The following MYO7A variants were observed in gnomAD, a reference collection of about 807,000 sequenced individuals.
MYO7A encodes myosin VIIA.
A neutral mutation model predicts 263.8 loss-of-function variants in MYO7A; 210 were observed. The ratio of observed to expected loss-of-function variants is 0.80; its 90% CI spans 0.71 to 0.89. The LOEUF (loss-of-function observed/expected upper bound fraction) is 0.89. MYO7A is among the 40% of genes least tolerant of loss of function. The pLI, the probability that MYO7A is intolerant of heterozygous loss-of-function variation, is 0.00. For missense variants in MYO7A, 2,820 were observed against 2,968.3 expected (o/e 0.95, Z 1.16); for synonymous variants, 1,239 against 1,197.3 (o/e 1.03, Z -0.72).
intron 3 of MYO7A, among the ~76,000 whole-genome samples, chr11:77,146,951 T>C (rs1441093072): frequency 6.6e-6 from 1 of 152,088 alleles, no homozygotes; most frequent in Non-Finnish European, 1.5e-5. Context: ...TGCTCACCCA[T>C]CTGCCACCAC....
At chr11:77,177,875 A>G (rs1458886340) in intron 19 of MYO7A, among the ~76,000 whole-genome samples, 1 of 152,172 alleles carries the variant, frequency 6.6e-6, no homozygotes, top group Non-Finnish European at 1.5e-5. Flanking sequence ...CAATACATTC[A>G]CCTACATATG....
chr11:77,159,401 T>C (rs1555066720), intron 9 of MYO7A, 46 bp from the exon 10 acceptor site: 1 of 888,980 alleles, frequency 1.1e-6, no homozygotes, highest in South Asian at 1.3e-5. Flanking sequence ...CTTGCCCCTG[T>C]TGCCCACCCT....
rs1252134449 is a variant in MYO7A at position 77,138,964 on chromosome 11, G to T, written c.19-3745G>T. Among the ~76,000 whole-genome samples the T allele has an allele frequency of 8.5e-5, 13 of 152,252 alleles. No homozygotes were observed. Among genetic ancestry groups the T allele is most frequent in the African/African-American group, 2.9e-4 (12 of 41,464 alleles). Reference sequence around the variant, plus strand: ...ACTCCACAAACAGGGACTGGCCCCAGGCCTGGTCCCAGAGGAAGGAAGAGG... The same window carrying T: ...ACTCCACAAACAGGGACTGGCCCCATGCCTGGTCCCAGAGGAAGGAAGAGG... On this transcript the variant is annotated intron_variant, in intron 2 of 48. Transcript: ENST00000409709. The surrounding 1 kb of genome is among the most constrained non-coding windows in gnomAD (Gnocchi z 4.9).
chr11:77,139,911 A>T (rs1951104286), intron 2 of MYO7A, among the ~76,000 whole-genome samples: 1 of 152,134 alleles, frequency 6.6e-6, no homozygotes, highest in East Asian at 1.9e-4. Flanking sequence ...CCACAGGAAT[A>T]TTCCCCTTCA....
rs12285229 is a variant in MYO7A, at chr11:77,181,292, T to C, written c.2695-88T>C. The C allele has an allele frequency of 6.3e-3, 7,891 of 1,259,276 alleles. 352 individuals carry two copies. In the African/African-American group the frequency reaches 0.1, roughly 16 times the overall value. The allele number at this position is 1,259,276 out of a possible 1,614,324, so 78.0% of individuals were successfully genotyped here. On this transcript the variant is annotated intron_variant, in intron 22 of 48. Transcript: ENST00000409709. ...AGGTGGGGACTGAGGCCCTGGCTGCTGCAGGGGCTCCCCAGGGAGAGCTTG... is the reference window on the plus strand; with the variant it reads ...AGGTGGGGACTGAGGCCCTGGCTGCCGCAGGGGCTCCCCAGGGAGAGCTTG...
rs74710286 is a variant in MYO7A, at chr11:77,163,274, C to T, written c.1690+286C>T. Among the ~76,000 whole-genome samples the T allele has an allele frequency of 0.018, 2,718 of 152,204 alleles. 68 individuals are homozygous for T. Among genetic ancestry groups the T allele is most frequent in the African/African-American group, 0.061 (2,546 of 41,514 alleles). On this transcript the variant is annotated intron_variant, in intron 14 of 48. Transcript: ENST00000409709. ...CAGTAACTCCTTCCCCTACCCCCGG[C>T]CCCCTGTAACCTGTGTTCTACTTTC...
chr11:77,207,013 C>T, intron 41 of MYO7A: 1 of 346,982 alleles, frequency 2.9e-6, no homozygotes, highest in Non-Finnish European at 5.3e-6. Context: ...GCTGTGCTCC[C>T]TGGACCCCTC....
chr11:77,148,221 C>G (rs189336037), intron 4 of MYO7A, among the ~76,000 whole-genome samples: 2 of 152,358 alleles, frequency 1.3e-5, no homozygotes, highest in East Asian at 3.9e-4. Context: ...ATGTGCCTCT[C>G]TAGGCCTTGA....
chr11:77,148,045 C>A, intron 4 of MYO7A, 95 bp downstream of exon 4: 1 of 1,146,996 alleles, frequency 8.7e-7, no homozygotes, highest in Non-Finnish European at 1.2e-6. Context: ...CGGCCCCGCC[C>A]TGCCGGGGCC....
chr11:77,201,599 C>T lies in MYO7A; in HGVS notation c.5004C>T (p.Tyr1668=), dbSNP rs1479835169. The T allele has an allele frequency of 1.9e-5, 31 of 1,613,716 alleles. No individual in the cohort carries two copies. The highest frequency in any genetic ancestry group is 4.0e-5 in the African/African-American group (3 of 74,920). The change falls in exon 36 of 49, where the codon TAC becomes TAT. Residue 1668 remains tyrosine (Y), a synonymous_variant. Transcript: ENST00000409709. Reference sequence around the variant, plus strand: ...GGGACTTCCCCACCGACAGTGTGTACGTCATGCCCACTGTCACCATGCCAC... The same window carrying T: ...GGGACTTCCCCACCGACAGTGTGTATGTCATGCCCACTGTCACCATGCCAC... ...QRGDFPTDSV[Y]VMPTVTMPPR...
At chr11:77,149,271 C>G (rs1951805798) in intron 4 of MYO7A, among the ~76,000 whole-genome samples, 1 of 152,140 alleles carries the variant, frequency 6.6e-6, no homozygotes, top group Admixed American at 6.5e-5. Context: ...TATCTCGAGA[C>G]CCAGGCCCAG....
Position 77,157,000 on chromosome 11 carries a change from G to C in MYO7A, c.731G>C (p.Arg244Pro), listed in dbSNP as rs121965081. ...QYLLEKSRVC[R>P]QALDERNYHV... The stretch of plus-strand genomic sequence containing the variant: ...CTGCTGGAAAAGTCACGTGTCTGTC[G>C]CCAGGTGGGCCTGAGCCCCAGGGAT... The change falls in exon 7 of 49, where the codon CGC becomes CCC. Residue 244 changes from arginine (R) to proline (P), a missense_variant. Coordinates refer to ENST00000409709, the MANE Select transcript of MYO7A (RefSeq NM_000260.4). 7.4e-6 allele frequency: 12 copies of C among 1,612,404 alleles called. No individual in the cohort carries two copies. The highest frequency in any genetic ancestry group is 1.0e-5 in the Non-Finnish European group (12 of 1,179,278).
At chr11:77,161,171 A>C in intron 12 of MYO7A, 56 bp downstream of exon 12, 1 of 1,603,820 alleles carries the variant, frequency 6.2e-7, no homozygotes, top group Non-Finnish European at 8.5e-7. Context: ...GAAATAAGAA[A>C]TATCACGTCT....
At chr11:77,176,844 C>G (rs55843987) in intron 18 of MYO7A, among the ~76,000 whole-genome samples, 1,585 of 152,302 alleles carry the variant, frequency 0.01, 9 homozygotes, top group Middle Eastern at 0.02. Flanking sequence ...CTCCCCTCCC[C>G]AGCATCTAGC....
At chr11:77,160,343 G>A in intron 11 of MYO7A, 61 bp downstream of exon 11, 1 of 1,523,864 alleles carries the variant, frequency 6.6e-7, no homozygotes, top group Non-Finnish European at 8.8e-7. Context: ...GGCTCTTGAT[G>A]GGCAGGTGCC....
intron 38 of MYO7A, 30 bp from the exon 39 acceptor site, chr11:77,204,046 C>T (rs376541264): frequency 1.5e-5 from 23 of 1,572,128 alleles, no homozygotes; most frequent in South Asian, 2.3e-5. Context: ...TCCCTCTATT[C>T]GGCACAAGCC....
intron 14 of MYO7A, 75 bp downstream of exon 14, chr11:77,163,063 A>G: frequency 1.3e-6 from 2 of 1,519,334 alleles, no homozygotes; most frequent in Non-Finnish European, 1.8e-6. Flanking sequence ...CAGGAATAAG[A>G]TATCCGGAAT....
At chr11:77,165,867 G>C (rs1352110073) in intron 14 of MYO7A, among the ~76,000 whole-genome samples, 189 bp from the exon 15 acceptor site, 4 of 152,076 alleles carry the variant, frequency 2.6e-5, no homozygotes, top group African/African-American at 9.7e-5. Flanking sequence ...TGTGTCACTG[G>C]GGAGATGGCC....
chr11:77,191,023 A>G, intron 30 of MYO7A, 153 bp downstream of exon 30: 1 of 871,886 alleles, frequency 1.1e-6, no homozygotes. Context: ...CTGACTCCTC[A>G]GGACTGCCGA....
Sources: allele counts gnomAD v4.1 joint callset (sites outside exome capture counted in the v4.1 genomes callset), GRCh38; gene constraint gnomAD v4.1.1; non-coding constraint Gnocchi (gnomAD v3.1); transcripts MANE v1.5; gene names NCBI Gene and HGNC (gene_info 2026-07-23, HGNC 2026-07-21).